Variants in ATE1 observed in about 807,000 individuals in gnomAD.
ATE1 encodes arginyl-tRNA--protein transferase 1.
In ATE1, 36 loss-of-function variants were observed where a neutral mutation model predicts 70.5. The ratio of observed to expected loss-of-function variants is 0.51; its 90% CI spans 0.39 to 0.67. ATE1 has a LOEUF of 0.67. ATE1 is among the 30% of genes least tolerant of loss of function. ATE1 has a pLI of 0.00. For synonymous variants in ATE1, 232 were observed against 219.3 expected (o/e 1.06, Z -0.51); for missense variants, 593 against 629.5 (o/e 0.94, Z 0.62).
chr10:121,904,336 A>G (rs1177655965), intron 5 of ATE1, among the ~76,000 whole-genome samples: 1 of 151,708 alleles, frequency 6.6e-6, no homozygotes, highest in African/African-American at 2.4e-5. Context: ...TATTAAAGAA[A>G]TAAGGTGTTT....
intron 2 of ATE1, among the ~76,000 whole-genome samples, chr10:121,922,932 A>G (rs1006687206): frequency 6.6e-6 from 1 of 152,096 alleles, no homozygotes; most frequent in African/African-American, 2.4e-5. Flanking sequence ...ATTCACCTCT[A>G]TATCCTATTA....
intron 10 of ATE1, among the ~76,000 whole-genome samples, chr10:121,831,635 T>C (rs1362456676): frequency 3.3e-5 from 5 of 152,214 alleles, no homozygotes; most frequent in Non-Finnish European, 7.3e-5. Context: ...ATTCTAATAC[T>C]TTCTCTCAAT....
At chr10:121,900,655 TA>T (rs1306498503) in intron 6 of ATE1, among the ~76,000 whole-genome samples, 1 of 152,286 alleles carries the variant, frequency 6.6e-6, no homozygotes, top group East Asian at 1.9e-4. Context: ...AACAGAACAG[TA>T]AAACAGTCAA....
intron 10 of ATE1, among the ~76,000 whole-genome samples, chr10:121,814,912 C>T (rs189885563): frequency 2.6e-5 from 4 of 152,260 alleles, no homozygotes; most frequent in African/African-American, 7.2e-5. Flanking sequence ...AATACTAGAA[C>T]CTCCAATCCT....
At chr10:121,800,312 C>A (rs1473436289) in intron 10 of ATE1, among the ~76,000 whole-genome samples, 1 of 152,154 alleles carries the variant, frequency 6.6e-6, no homozygotes, top group Non-Finnish European at 1.5e-5. Context: ...AGTTAGCATT[C>A]TTGGCTTTTA....
At chr10:121,838,240 T>C (rs551538090) in intron 9 of ATE1, among the ~76,000 whole-genome samples, 10 of 152,042 alleles carry the variant, frequency 6.6e-5, no homozygotes, top group Middle Eastern at 3.4e-3. Flanking sequence ...CAGCAGTGGG[T>C]TGGCACCACA....
At chr10:121,854,326 T>C (rs1404208746) in intron 8 of ATE1, among the ~76,000 whole-genome samples, 4 of 152,236 alleles carry the variant, frequency 2.6e-5, no homozygotes, top group African/African-American at 7.2e-5. Context: ...CCAGTTTTAA[T>C]GCCTTACTGG....
At chr10:121,843,210 T>C (rs922454822) in intron 8 of ATE1, among the ~76,000 whole-genome samples, 11 of 152,172 alleles carry the variant, frequency 7.2e-5, no homozygotes, top group Admixed American at 7.2e-4. Context: ...CCATTTGCAA[T>C]ACAACAAAAA....
intron 7 of ATE1, among the ~76,000 whole-genome samples, chr10:121,884,651 G>C (rs1444674587): frequency 3.9e-5 from 6 of 152,138 alleles, no homozygotes; most frequent in Non-Finnish European, 8.8e-5. Context: ...CGGAAGGAAA[G>C]AAAGATGAAT....
intron 7 of ATE1, among the ~76,000 whole-genome samples, chr10:121,885,536 C>CT (rs1950363867): frequency 1.4e-5 from 2 of 145,642 alleles, no homozygotes; most frequent in Admixed American, 1.4e-4. Flanking sequence ...CGCCATTGCA[C>CT]TCCAGCCTGG....
At chr10:121,789,732 T>C (rs1946359031) in intron 11 of ATE1, among the ~76,000 whole-genome samples, 1 of 152,142 alleles carries the variant, frequency 6.6e-6, no homozygotes, top group Admixed American at 6.6e-5. Context: ...AAAAAAAGTA[T>C]TGTCACAAAA....
chr10:121,927,600 C>G, intron 1 of ATE1: 1 of 967,014 alleles, frequency 1.0e-6, no homozygotes, highest in Non-Finnish European at 1.2e-6. Flanking sequence ...GCGTCCGTCT[C>G]CCGACTCTGG....
intron 8 of ATE1, among the ~76,000 whole-genome samples, chr10:121,867,553 C>T (rs1263666452): frequency 2.6e-5 from 4 of 152,066 alleles, no homozygotes; most frequent in Admixed American, 2.0e-4. Context: ...AAGAGACTCC[C>T]GTTGTACACC....
intron 8 of ATE1, among the ~76,000 whole-genome samples, chr10:121,846,422 C>A (rs1443424951): frequency 2.0e-5 from 3 of 152,142 alleles, no homozygotes; most frequent in African/African-American, 7.2e-5. Context: ...TAACTCCCTA[C>A]TACTTAAGTG....
At chr10:121,882,197 C>T (rs1254137190) in intron 7 of ATE1, among the ~76,000 whole-genome samples, 2 of 151,996 alleles carry the variant, frequency 1.3e-5, no homozygotes, top group Admixed American at 1.3e-4. Flanking sequence ...TTGAATATTA[C>T]TTCTTTTTTT....
Position 121,903,714 on chromosome 10 carries a change from G to A in ATE1, c.584-1094C>T, listed in dbSNP as rs373193102. 2.8e-4 allele frequency among the ~76,000 whole-genome samples: 43 copies of A among 152,056 alleles called. No individual in the cohort carries two copies. In the South Asian group the frequency reaches 8.5e-3, roughly 30 times the overall value. On this transcript the variant is annotated intron_variant, in intron 5 of 11. Transcript: ENST00000224652. ...AAAACAAAAAAGGAATCCTTGCTTA[G>A]TTGAAGGTATCTGTGTCTTTCTCCA...
chr10:121,777,497 G>A (rs979653602), intron 11 of ATE1, among the ~76,000 whole-genome samples: 1 of 149,368 alleles, frequency 6.7e-6, no homozygotes, highest in Non-Finnish European at 1.5e-5. Context: ...GAGCTAAGGA[G>A]ATACACATGC....
intron 11 of ATE1, among the ~76,000 whole-genome samples, chr10:121,771,576 C>T (rs939754341): frequency 3.3e-5 from 5 of 152,146 alleles, no homozygotes; most frequent in African/African-American, 1.2e-4. Context: ...AGACATGAAA[C>T]ACACTTTAGT....
chr10:121,826,855 G>A (rs1948039614), intron 10 of ATE1, among the ~76,000 whole-genome samples: 1 of 152,106 alleles, frequency 6.6e-6, no homozygotes, highest in African/African-American at 2.4e-5. Context: ...CCACTTATAA[G>A]TGAGAACATG....
Sources: allele counts gnomAD v4.1 joint callset (sites outside exome capture counted in the v4.1 genomes callset), GRCh38; gene constraint gnomAD v4.1.1; transcripts MANE v1.5; gene names NCBI Gene and HGNC (gene_info 2026-07-23, HGNC 2026-07-21).